Variants in CSMD1 observed in about 807,000 individuals in gnomAD.
CSMD1 encodes the protein CUB and sushi domain-containing protein 1.
CSMD1 carries 213 observed loss-of-function variants against 417.5 expected under a neutral mutation model. The ratio of observed to expected loss-of-function variants is 0.51; its 90% CI spans 0.46 to 0.57. The LOEUF (loss-of-function observed/expected upper bound fraction) is 0.57. Ranked by LOEUF, CSMD1 falls within the 20% of genes least tolerant of loss-of-function variation. CSMD1 has a pLI of 0.00. For synonymous variants in CSMD1, 2,862 were observed against 1,736.8 expected, an observed-to-expected ratio of 1.65 and a Z score of -16.11; for missense variants, 6,923 against 4,529.7, an observed-to-expected ratio of 1.53 and a Z score of -15.17.
intron 3 of CSMD1, among the ~76,000 whole-genome samples, chr8:4,181,548 T>G (rs940866989): frequency 6.6e-6 from 1 of 152,154 alleles, no homozygotes; most frequent in East Asian, 1.9e-4. Context: ...TTTATGAATT[T>G]GTGTTTGGCC....
intron 3 of CSMD1, among the ~76,000 whole-genome samples, chr8:4,237,272 G>C (rs888809450): frequency 2.0e-5 from 3 of 152,140 alleles, no homozygotes; most frequent in African/African-American, 7.2e-5. Context: ...TTCAGAGTGA[G>C]GGTGTTTATA....
At chr8:3,769,136 T>G (rs117441863) in intron 5 of CSMD1, among the ~76,000 whole-genome samples, 2 of 152,194 alleles carry the variant, frequency 1.3e-5, no homozygotes, top group Non-Finnish European at 2.9e-5. Flanking sequence ...TACAGTTAAA[T>G]TGATTAAAAG....
rs541812420 is a variant in CSMD1, at chr8:3,141,850, T to G, written c.6241+615A>C. On this transcript the variant is annotated intron_variant, in intron 41 of 69. Transcript: ENST00000635120. ...TCTGGCTCTGTCGCCCAGGCTGGAG[T>G]GCAGTGGCGCGATCTCTCCTCACTG... Among the ~76,000 whole-genome samples, 148 of 149,314 alleles carry G rather than the reference T, an allele frequency of 9.9e-4. 1 individual carries two copies. The highest frequency in any genetic ancestry group is 1.8e-3 in the Non-Finnish European group (125 of 67,574).
At chr8:4,654,338 C>G (rs1369678307) in intron 1 of CSMD1, among the ~76,000 whole-genome samples, 4 of 152,050 alleles carry the variant, frequency 2.6e-5, no homozygotes, top group Non-Finnish European at 5.9e-5. Context: ...TCTATGCAGA[C>G]GTAACAACTC....
At chr8:3,310,767 G>A (rs1176452556) in intron 23 of CSMD1, among the ~76,000 whole-genome samples, 1 of 151,336 alleles carries the variant, frequency 6.6e-6, no homozygotes, top group African/African-American at 2.4e-5. Context: ...GTGAATGGCA[G>A]CGGGGCCAGG....
rs1198732694 is a variant in CSMD1 at position 3,408,059 on chromosome 8, A to G, written c.1911T>C (p.Phe637=). ...AAATGCCATCATCCTTGACCGCGAG[A>G]AAGTCAAACTGAGGCTCAACATCAA... ...NDFDVEPQFD[F]LAVKDDGISD... The change falls in exon 14 of 70, where the codon TTT becomes TTC. Residue 637 remains phenylalanine (F), a synonymous_variant. Transcript: ENST00000635120. 3 of 1,613,926 alleles carry G rather than the reference A, an allele frequency of 1.9e-6. No homozygotes were observed. Among genetic ancestry groups the G allele is most frequent in the Non-Finnish European group, 2.5e-6 (3 of 1,179,880 alleles).
chr8:4,723,504 T>A (rs1809200650), intron 1 of CSMD1, among the ~76,000 whole-genome samples: 1 of 152,182 alleles, frequency 6.6e-6, no homozygotes, highest in South Asian at 2.1e-4. Flanking sequence ...GTCCATTTTG[T>A]ATCTTGTAGG....
chr8:3,229,947 AT>A (rs562712582), intron 27 of CSMD1, 92 bp downstream of exon 27: 16 of 912,230 alleles, frequency 1.8e-5, no homozygotes, highest in Middle Eastern at 5.6e-4. Flanking sequence ...CTTGAGAAAT[AT>A]TTCTGAAGAA....
intron 1 of CSMD1, among the ~76,000 whole-genome samples, chr8:4,837,490 A>T (rs147462434): frequency 7.6e-4 from 116 of 152,328 alleles, no homozygotes; most frequent in African/African-American, 2.7e-3. Flanking sequence ...TAAGCCAGGC[A>T]CAGAAAGGCA....
At chr8:3,797,270 A>T (rs192789641) in intron 5 of CSMD1, among the ~76,000 whole-genome samples, 3 of 152,104 alleles carry the variant, frequency 2.0e-5, no homozygotes, top group African/African-American at 7.2e-5. Flanking sequence ...AGTTTTTAAA[A>T]TTGAGGTAAA....
intron 54 of CSMD1, among the ~76,000 whole-genome samples, chr8:2,990,443 C>G (rs1195470925): frequency 6.6e-6 from 1 of 152,200 alleles, no homozygotes; most frequent in East Asian, 1.9e-4. Flanking sequence ...TTCAGGGTAT[C>G]CCCTAAACCC....
intron 2 of CSMD1, among the ~76,000 whole-genome samples, chr8:4,590,521 C>T (rs899302575): frequency 6.6e-6 from 1 of 151,912 alleles, no homozygotes; most frequent in Admixed American, 6.6e-5. Flanking sequence ...GAAGCGCTAG[C>T]ATAATACCTG....
chr8:3,031,584 C>T (rs796710858), intron 50 of CSMD1, among the ~76,000 whole-genome samples: 4 of 152,098 alleles, frequency 2.6e-5, no homozygotes, highest in African/African-American at 9.6e-5. Context: ...TTGTTTTATA[C>T]AGACTAGGTC....
At chr8:3,938,975 A>G (rs1000372194) in intron 5 of CSMD1, among the ~76,000 whole-genome samples, 1 of 152,128 alleles carries the variant, frequency 6.6e-6, no homozygotes, top group Admixed American at 6.6e-5. Flanking sequence ...GGCAGGGAGT[A>G]TGAGAGTGTG....
intron 5 of CSMD1, among the ~76,000 whole-genome samples, chr8:3,845,011 G>T (rs1167523195): frequency 6.6e-6 from 1 of 152,048 alleles, no homozygotes; most frequent in Admixed American, 6.5e-5. Context: ...AGTTAACAAA[G>T]GTTATTGATG....
chr8:4,986,288 T>C (rs955474351), intron 1 of CSMD1, among the ~76,000 whole-genome samples: 10 of 152,150 alleles, frequency 6.6e-5, no homozygotes, highest in Non-Finnish European at 1.2e-4. Context: ...TGTAATTTTA[T>C]AGAAAAGGGA....
chr8:3,217,929 CCTAA>C (rs1797974589), intron 29 of CSMD1, among the ~76,000 whole-genome samples: 1 of 152,060 alleles, frequency 6.6e-6, no homozygotes, highest in East Asian at 1.9e-4. Flanking sequence ...AGAAAACCCT[CCTAA>C]CTGTGAATTG....
At chr8:2,961,315 T>G (rs190868121) in intron 61 of CSMD1, 101 bp from the exon 62 acceptor site, 2 of 586,140 alleles carry the variant, frequency 3.4e-6, no homozygotes, top group East Asian at 3.2e-5. Flanking sequence ...GAGAAAATAT[T>G]GTTTTGAGAA....
At chr8:3,124,563 G>T (rs1318936708) in intron 41 of CSMD1, among the ~76,000 whole-genome samples, 1 of 152,118 alleles carries the variant, frequency 6.6e-6, no homozygotes, top group Non-Finnish European at 1.5e-5. Context: ...CAGTGTCTGG[G>T]ATAAGGGGAG....
Sources: allele counts gnomAD v4.1 joint callset (sites outside exome capture counted in the v4.1 genomes callset), GRCh38; gene constraint gnomAD v4.1.1; transcripts MANE v1.5; gene names NCBI Gene and HGNC (gene_info 2026-07-23, HGNC 2026-07-21).